Variants in TAFA5 observed in about 807,000 individuals in gnomAD.
TAFA5 encodes the protein TAFA chemokine like family member 5, also known as chemokine-like protein TAFA-5.
TAFA5 carries 6 observed loss-of-function variants against 15.3 expected under a neutral mutation model. The ratio of observed to expected loss-of-function variants is 0.39; its 90% CI spans 0.21 to 0.77. The LOEUF is 0.77. TAFA5 is among the 30% of genes least tolerant of loss of function. The probability of loss-of-function intolerance (pLI) is 0.41; values close to 1 mark genes in which losing one functional copy is unlikely to be tolerated. For missense variants in TAFA5, 161 were observed against 193.1 expected (o/e 0.83, Z 0.98); for synonymous variants, 103 against 80.7 (o/e 1.28, Z -1.48).
intron 1 of TAFA5, among the ~76,000 whole-genome samples, chr22:48,587,993 G>T (rs1199567441): frequency 6.6e-6 from 1 of 152,196 alleles, no homozygotes; most frequent in African/African-American, 2.4e-5. Flanking sequence ...TTTTACTCCA[G>T]AAGGGAAGCA....
At chr22:48,553,925 C>G (rs998040722) in intron 1 of TAFA5, among the ~76,000 whole-genome samples, 7 of 152,210 alleles carry the variant, frequency 4.6e-5, no homozygotes, top group African/African-American at 1.4e-4. Context: ...TCCGTCCTGG[C>G]CAAGCGTGGA....
intron 3 of TAFA5, among the ~76,000 whole-genome samples, chr22:48,719,352 G>A (rs1215504418): frequency 6.6e-6 from 1 of 152,248 alleles, no homozygotes; most frequent in Non-Finnish European, 1.5e-5. Flanking sequence ...AGAGCCCAGA[G>A]GCTCCAAGTC....
intron 1 of TAFA5, among the ~76,000 whole-genome samples, chr22:48,622,530 G>A (rs1037624760): frequency 2.0e-5 from 3 of 152,208 alleles, no homozygotes; most frequent in Non-Finnish European, 4.4e-5. Flanking sequence ...GCTTGGTGTC[G>A]GGAGGAGGAA....
At chr22:48,553,734 C>A (rs1379413232) in intron 1 of TAFA5, among the ~76,000 whole-genome samples, 4 of 152,204 alleles carry the variant, frequency 2.6e-5, no homozygotes, top group Admixed American at 6.5e-5. Context: ...GCTGGTGGTG[C>A]CCTCCCTGTC....
chr22:48,690,053 G>GGGC (rs130113), intron 2 of TAFA5, among the ~76,000 whole-genome samples: 3 of 152,112 alleles, frequency 2.0e-5, no homozygotes, highest in African/African-American at 7.2e-5. Context: ...CTTGGCTGGG[G>GGGC]TCAGTGGATG....
chr22:48,492,948 T>C (rs769043676), intron 1 of TAFA5, among the ~76,000 whole-genome samples: 17 of 152,228 alleles, frequency 1.1e-4, no homozygotes, highest in Non-Finnish European at 1.9e-4. Flanking sequence ...TCTGCCTAGA[T>C]GTGGTTCTTG....
chr22:48,612,537 C>T (rs1227509281), intron 1 of TAFA5, among the ~76,000 whole-genome samples: 3 of 152,142 alleles, frequency 2.0e-5, no homozygotes, highest in South Asian at 4.1e-4. Flanking sequence ...CCCTCCCATC[C>T]AGTGGGCTCT....
chr22:48,650,429 G>C (rs1465426814), intron 2 of TAFA5, among the ~76,000 whole-genome samples: 1 of 152,184 alleles, frequency 6.6e-6, no homozygotes, highest in Non-Finnish European at 1.5e-5. Context: ...CAGTGCTGCA[G>C]GTGCGGGAAT....
chr22:48,670,538 C>G (rs571823516), intron 2 of TAFA5, among the ~76,000 whole-genome samples: 1 of 152,226 alleles, frequency 6.6e-6, no homozygotes, highest in Non-Finnish European at 1.5e-5. Flanking sequence ...CGGCCCCGCA[C>G]TGAGGCTCTA....
intron 1 of TAFA5, among the ~76,000 whole-genome samples, chr22:48,629,117 T>C (rs758743126): frequency 6.6e-6 from 1 of 152,102 alleles, no homozygotes; most frequent in Non-Finnish European, 1.5e-5. Flanking sequence ...ACGGGTGCTC[T>C]GGGGCCCCAG....
intron 1 of TAFA5, among the ~76,000 whole-genome samples, chr22:48,549,661 C>T (rs1050322415): frequency 2.6e-5 from 4 of 152,344 alleles, no homozygotes; most frequent in Admixed American, 1.3e-4. Context: ...GAGATGACTG[C>T]CCCTGATGGT....
intron 1 of TAFA5, chr22:48,576,687 G>A (rs1338624512): frequency 8.5e-7 from 1 of 1,173,870 alleles, no homozygotes; most frequent in Non-Finnish European, 1.1e-6. Context: ...GCTGAGGCTC[G>A]TGGAGCGCCA....
intron 1 of TAFA5, among the ~76,000 whole-genome samples, chr22:48,562,632 C>T (rs1923277579): frequency 6.6e-6 from 1 of 152,174 alleles, no homozygotes; most frequent in Admixed American, 6.5e-5. Flanking sequence ...CCGGTCACAG[C>T]CTCCAAGGCC....
chr22:48,628,433 G>A (rs1445356130), intron 1 of TAFA5, among the ~76,000 whole-genome samples: 1 of 152,216 alleles, frequency 6.6e-6, no homozygotes, highest in Non-Finnish European at 1.5e-5. Flanking sequence ...AGGCCCAGAA[G>A]ATCTCTCCTG....
intron 1 of TAFA5, among the ~76,000 whole-genome samples, chr22:48,532,458 T>C (rs747355464): frequency 6.6e-6 from 1 of 152,204 alleles, no homozygotes; most frequent in Non-Finnish European, 1.5e-5. Flanking sequence ...CAGCAAGGAT[T>C]TATTGTGTCT....
At chr22:48,606,646 A>G (rs1278479935) in intron 1 of TAFA5, among the ~76,000 whole-genome samples, 1 of 152,230 alleles carries the variant, frequency 6.6e-6, no homozygotes, top group Non-Finnish European at 1.5e-5. Context: ...CCTGTTACTC[A>G]AAAGCGGTTT....
chr22:48,661,151 G>A (rs748452158), intron 2 of TAFA5, among the ~76,000 whole-genome samples: 15 of 152,200 alleles, frequency 9.9e-5, no homozygotes, highest in Non-Finnish European at 1.8e-4. Flanking sequence ...GGACCCCTGT[G>A]TAGTCCACAC....
intron 1 of TAFA5, among the ~76,000 whole-genome samples, chr22:48,502,050 G>A (rs899401485): frequency 3.9e-5 from 6 of 152,234 alleles, no homozygotes; most frequent in Admixed American, 3.9e-4. Context: ...TGTCATTGCT[G>A]CCAGCCTGTG....
intron 2 of TAFA5, among the ~76,000 whole-genome samples, chr22:48,679,824 G>A: frequency 6.6e-6 from 1 of 151,932 alleles, no homozygotes; most frequent in East Asian, 1.9e-4. Context: ...GTTGTTCCAT[G>A]AAGCGCCGCC....
Sources: gnomAD v4.1 joint callset for allele counts (sites outside exome capture counted in the v4.1 genomes callset) on GRCh38, gnomAD v4.1.1 for gene constraint, MANE v1.5 for transcripts, NCBI Gene and HGNC (gene_info 2026-07-23, HGNC 2026-07-21) for gene names.